GLB1L3: variants seen among roughly 807,000 people sequenced by gnomAD.
The protein encoded by GLB1L3 is galactosidase beta 1 like 3.
GLB1L3 carries 89 observed loss-of-function variants against 89.5 expected under a neutral mutation model. The observed-to-expected ratio is 0.99, with a 90% CI of 0.84 to 1.19. The LOEUF is 1.19. Ranked by LOEUF, GLB1L3 falls within the 50% of genes most tolerant of loss-of-function variation. The probability of loss-of-function intolerance (pLI) is 0.00; values close to 1 mark genes in which losing one functional copy is unlikely to be tolerated. For missense variants in GLB1L3, 812 were observed against 813.3 expected (o/e 1.00, Z 0.02); for synonymous variants, 314 against 312.3 (o/e 1.01, Z -0.06).
At chr11:134,308,203 TACCACCACCACCATC>T in intron 10 of GLB1L3, among the ~76,000 whole-genome samples, 1 of 30,648 alleles carries the variant, frequency 3.3e-5, no homozygotes, top group Non-Finnish European at 6.3e-5. Flanking sequence ...CCATCACCAC[TACCACCACCACCATC>T]ACCATCACCA....
chr11:134,316,013 T>G (rs1942963291), intron 18 of GLB1L3, among the ~76,000 whole-genome samples: 1 of 152,190 alleles, frequency 6.6e-6, no homozygotes, highest in Non-Finnish European at 1.5e-5. Flanking sequence ...TTAGTTCTGT[T>G]AAAGTGAACG....
chr11:134,285,999 C>G (rs766480541), intron 6 of GLB1L3, among the ~76,000 whole-genome samples: 3 of 151,014 alleles, frequency 2.0e-5, no homozygotes, highest in Non-Finnish European at 2.9e-5. Flanking sequence ...ACTTCCACCT[C>G]CTGGGTTCAA....
Position 134,283,806 on chromosome 11 carries a change from G to T in GLB1L3, c.597G>T (p.Lys199Asn). 1.2e-6 allele frequency: 2 copies of T among 1,612,918 alleles called. No individual in the cohort carries two copies. The highest frequency in any genetic ancestry group is 2.2e-5 in the East Asian group (1 of 44,884). Residue 199 changes from lysine (K) to asparagine (N), a missense_variant, in exon 6 of 20, where the codon AAG becomes AAT. This residue lies in a region of GLB1L3 where 618 missense variants were observed against 604.0 expected (regional missense o/e 1.02). Transcript: ENST00000431683. Reference sequence around the variant, plus strand: ...AGAGCTTCATTGAAGCAGTTGAGAAGTATTTTGACCACCTGATTCCCAGAG... The same window carrying T: ...AGAGCTTCATTGAAGCAGTTGAGAATTATTTTGACCACCTGATTCCCAGAG... The part of the protein sequence containing the change: ...TNKSFIEAVE[K>N]YFDHLIPRVI...
In GLB1L3 at chr11:134,305,101, T is replaced by C. The variant is rs981569497; in HGVS notation, c.877-2023T>C. On this transcript the variant is annotated intron_variant, in intron 9 of 19. Transcript: ENST00000431683. ...ATCTTTACCCATCTTCCTTTTTGCTTTCTCTCCTCCCAGGGAGCCAGTATA... is the reference window on the plus strand; with the variant it reads ...ATCTTTACCCATCTTCCTTTTTGCTCTCTCTCCTCCCAGGGAGCCAGTATA... 3.9e-6 allele frequency: 6 copies of C among 1,549,108 alleles called. No homozygotes were observed. In the African/African-American group the frequency reaches 8.2e-5, roughly 21 times the overall value.
intron 9 of GLB1L3, chr11:134,305,447 A>C (rs1942158803): frequency 6.6e-6 from 2 of 303,178 alleles, no homozygotes; most frequent in Non-Finnish European, 6.1e-6. Flanking sequence ...CTCCTCATTT[A>C]TATTTTGAAG....
chr11:134,308,664 C>CCACCACCAT (rs1942560402), intron 10 of GLB1L3, among the ~76,000 whole-genome samples: 6 of 150,054 alleles, frequency 4.0e-5, no homozygotes, highest in East Asian at 1.9e-4. Context: ...ATCACCACCA[C>CCACCACCAT]CACCACCACC....
chr11:134,308,335 TCACCATCATCAC>T (rs1942398326), intron 10 of GLB1L3, among the ~76,000 whole-genome samples: 1 of 27,740 alleles, frequency 3.6e-5, no homozygotes, highest in Non-Finnish European at 6.9e-5. Flanking sequence ...ACCATCACCA[TCACCATCATCAC>T]CATCACCACT....
At chr11:134,298,589 T>C (rs1591561528) in intron 9 of GLB1L3, among the ~76,000 whole-genome samples, 2 of 152,192 alleles carry the variant, frequency 1.3e-5, no homozygotes, top group Non-Finnish European at 2.9e-5. Flanking sequence ...GTCTTTCCCG[T>C]GCTATTCTCA....
chr11:134,277,049 C>G (rs1940407544), intron 1 of GLB1L3: 1 of 569,160 alleles, frequency 1.8e-6, no homozygotes, highest in African/African-American at 1.9e-5. Context: ...TGGAAGTGCG[C>G]CCGCCTCCGC....
rs1381805538 is a variant in GLB1L3, at chr11:134,292,100, A to G, written c.730-32A>G. ...TCTTTTTTCCCATGGGAATGAGGGA[A>G]TTGGGTTCATTTTGGTTAATTTTCT... On this transcript the variant is annotated intron_variant, in intron 7 of 19. Coordinates refer to ENST00000431683, the MANE Select transcript of GLB1L3 (RefSeq NM_001080407.3). The G allele has an allele frequency of 1.5e-5, 23 of 1,518,716 alleles. No individual in the cohort carries two copies. The East Asian group carries it at 1.6e-4, about 10-fold the overall frequency. The allele number at this position is 1,518,716 out of a possible 1,614,324, so 94.1% of individuals were successfully genotyped here.
At chr11:134,289,269 A>G (rs74456946) in intron 7 of GLB1L3, among the ~76,000 whole-genome samples, 2,417 of 152,228 alleles carry the variant, frequency 0.016, 57 homozygotes, top group African/African-American at 0.055. Context: ...GCAGAAATGG[A>G]TCATGGTAAA....
At chr11:134,323,059 C>T (rs1307475011), downstream of GLB1L3, among the ~76,000 whole-genome samples, 1 of 152,118 alleles carries the variant, frequency 6.6e-6, no homozygotes, top group Non-Finnish European at 1.5e-5. Context: ...CTAAGTTCGC[C>T]ACATCCTCAC....
rs201221004 is a variant in GLB1L3, at chr11:134,312,417, C to T, written c.1356C>T (p.Tyr452=). 1,018 of 1,613,790 alleles carry T rather than the reference C, an allele frequency of 6.3e-4. 17 individuals carry two copies. In the East Asian group the frequency reaches 0.017, roughly 27 times the overall value. The change falls in exon 14 of 20, where the codon TAC becomes TAT. Residue 452 remains tyrosine, a synonymous_variant. Transcript: ENST00000431683. The part of the protein sequence containing the change: ...LPINNGSGQS[Y]GLVLYEKSIC... ...TAAACAATGGGAGCGGCCAGTCCTA[C>T]GGGCTTGTCCTGTATGAGAAGTCCA...
chr11:134,309,898 C>G, intron 11 of GLB1L3, 135 bp downstream of exon 11: 1 of 966,996 alleles, frequency 1.0e-6, no homozygotes, highest in East Asian at 2.7e-5. Flanking sequence ...ATTTTCCTAT[C>G]TACTTTCCTT....
At chr11:134,308,930 T>G (rs966973733) in intron 10 of GLB1L3, among the ~76,000 whole-genome samples, 1 of 152,158 alleles carries the variant, frequency 6.6e-6, no homozygotes, top group African/African-American at 2.4e-5. Flanking sequence ...ACCTTCTTCT[T>G]CCCACTGTGG....
intron 9 of GLB1L3, among the ~76,000 whole-genome samples, chr11:134,295,991 G>A (rs986892178): frequency 6.6e-6 from 1 of 151,980 alleles, no homozygotes; most frequent in African/African-American, 2.4e-5. Context: ...TATAATTTCT[G>A]TTCTTTTACA....
chr11:134,308,253 T>C (rs868500823), intron 10 of GLB1L3, among the ~76,000 whole-genome samples: 550 of 21,322 alleles, frequency 0.026, 27 homozygotes, highest in Non-Finnish European at 0.032. Context: ...ATCACCACCA[T>C]CACCACCACC....
chr11:134,280,291 G>T (rs770039651), intron 3 of GLB1L3, among the ~76,000 whole-genome samples: 10 of 151,990 alleles, frequency 6.6e-5, no homozygotes, highest in Non-Finnish European at 7.4e-5. Flanking sequence ...GATTTACTTC[G>T]TGACATAGTA....
chr11:134,313,537 A>G, intron 16 of GLB1L3, 63 bp downstream of exon 16: 2 of 776,468 alleles, frequency 2.6e-6, no homozygotes, highest in Non-Finnish European at 2.0e-6. Context: ...TATGCACTGG[A>G]GTCGGGGGCG....
Sources: gnomAD v4.1 joint callset for allele counts (sites outside exome capture counted in the v4.1 genomes callset) on GRCh38, gnomAD v4.1.1 for gene constraint, gnomAD v4.1.1 regional missense constraint, MANE v1.5 for transcripts, NCBI Gene and HGNC (gene_info 2026-07-23, HGNC 2026-07-21) for gene names.